The following MYOM3 variants were observed in gnomAD, a reference collection of about 807,000 sequenced individuals.
MYOM3 encodes myomesin-3.
MYOM3 carries 155 observed loss-of-function variants against 191.7 expected under a neutral mutation model. The observed-to-expected ratio is 0.81, with a 90% CI of 0.71 to 0.92. MYOM3 has a LOEUF of 0.92. Among genes scored for constraint, MYOM3 ranks in the 40% least tolerant of loss-of-function variants. The pLI is 0.00. For missense variants in MYOM3, 1,889 were observed against 1,890.6 expected, an observed-to-expected ratio of 1.00 and a Z score of 0.02; for synonymous variants, 757 against 762.9, an observed-to-expected ratio of 0.99 and a Z score of 0.13.
chr1:24,107,339 T>C, intron 3 of MYOM3, 107 bp from the exon 4 acceptor site: 1 of 1,022,864 alleles, frequency 9.8e-7, no homozygotes. Flanking sequence ...CTTTAAACTT[T>C]TGGAGGACAT....
rs149051731 is a variant in MYOM3, at chr1:24,102,590, G to C, written c.561-2815C>G. Among the ~76,000 whole-genome samples, 424 of 152,314 alleles carry C rather than the reference G, an allele frequency of 2.8e-3. 1 individual carries two copies. Among genetic ancestry groups the C allele is most frequent in the Non-Finnish European group, 4.7e-3 (318 of 68,026 alleles). On this transcript the variant is annotated intron_variant, in intron 5 of 36. Coordinates refer to ENST00000374434, the MANE Select transcript of MYOM3 (RefSeq NM_152372.4). The stretch of plus-strand genomic sequence containing the variant: ...AGAGCAGGCATAGTGGCTCATGCCT[G>C]TATTCCCAGAGCTTTGGGAGACTGA...
chr1:24,069,095 A>G (rs1178605243), intron 25 of MYOM3, among the ~76,000 whole-genome samples: 1 of 152,078 alleles, frequency 6.6e-6, no homozygotes, highest in Non-Finnish European at 1.5e-5. Flanking sequence ...AAAAAAAAAT[A>G]CTCGTGTACT....
At chr1:24,078,024 G>A (rs1643622432) in intron 20 of MYOM3, among the ~76,000 whole-genome samples, 1 of 152,132 alleles carries the variant, frequency 6.6e-6, no homozygotes, top group Non-Finnish European at 1.5e-5. Flanking sequence ...AACATTTTAA[G>A]TGATAAAGCA....
At chr1:24,082,435 T>C in intron 17 of MYOM3, 158 bp downstream of exon 17, 1 of 1,123,006 alleles carries the variant, frequency 8.9e-7, no homozygotes, top group Non-Finnish European at 1.2e-6. Context: ...GTTACTTCCT[T>C]CCCAAAGGAA....
Position 24,106,085 on chromosome 1 carries a change from C to T in MYOM3, c.403-8G>A, listed in dbSNP as rs770880556. 12 of 1,604,882 alleles carry T rather than the reference C, an allele frequency of 7.5e-6. No individual in the cohort carries two copies. The highest frequency in any genetic ancestry group is 2.7e-5 in the African/African-American group (2 of 74,778). ...CTGGACCTTCTCCTCTGTCTGGAGG[C>T]GGGAAGAGGTGTATGACGCTGTGAG... On this transcript the variant is annotated splice_region_variant and splice_polypyrimidine_tract_variant and intron_variant, in intron 4 of 36. Coordinates refer to ENST00000374434, the MANE Select transcript of MYOM3 (RefSeq NM_152372.4).
intron 14 of MYOM3, among the ~76,000 whole-genome samples, chr1:24,088,826 G>T (rs561035357): frequency 2.0e-5 from 3 of 152,366 alleles, no homozygotes; most frequent in East Asian, 3.9e-4. Context: ...ACAGATCCCA[G>T]GGGTTGCTGG....
At chr1:24,092,112 G>T in intron 11 of MYOM3, 62 bp downstream of exon 11, 1 of 1,372,594 alleles carries the variant, frequency 7.3e-7, no homozygotes, top group Non-Finnish European at 9.5e-7. Context: ...TCTTTGCTGT[G>T]GCTCCCACCA....
At chr1:24,079,268 C>T (rs1028156265) in intron 20 of MYOM3, among the ~76,000 whole-genome samples, 20 of 152,208 alleles carry the variant, frequency 1.3e-4, no homozygotes, top group African/African-American at 2.2e-4. Context: ...GGTACGATCA[C>T]GGCTCCCTGC....
At position 24,068,008 on chromosome 1, in the gene MYOM3, T is replaced by G. The variant is rs1369088310; in HGVS notation, c.3317A>C (p.Lys1106Thr). 7 of 1,614,230 alleles carry G rather than the reference T, an allele frequency of 4.3e-6. No individual in the cohort carries two copies. Among genetic ancestry groups the G allele is most frequent in the Non-Finnish European group, 5.9e-6 (7 of 1,180,018 alleles). ...CCAGTCCCTTCTCTTAGCATCTGCC[T>G]TCCTCAGAAGCTTGTCAAAATCTGT... ...VDDDFDKLLR[K>T]ADAKRRDWKR... Residue 1106 changes from lysine (K) to threonine (T), a missense_variant, in exon 27 of 37, where the codon AAG becomes ACG. Coordinates refer to ENST00000374434, the MANE Select transcript of MYOM3 (RefSeq NM_152372.4).
At chr1:24,061,829 C>T (rs896360058) in intron 33 of MYOM3, 117 bp downstream of exon 33, 79 of 1,118,406 alleles carry the variant, frequency 7.1e-5, no homozygotes, top group Non-Finnish European at 9.1e-5. Context: ...AGAGCTCAAG[C>T]GATCCTCCCA....
intron 1 of MYOM3, among the ~76,000 whole-genome samples, chr1:24,110,154 CT>C (rs1340902128): frequency 6.6e-6 from 1 of 152,230 alleles, no homozygotes; most frequent in Non-Finnish European, 1.5e-5. Context: ...CCTGGAATGG[CT>C]TTCACACCTC....
chr1:24,061,187 G>C (rs1323999981), intron 34 of MYOM3, 86 bp downstream of exon 34: 2 of 1,604,386 alleles, frequency 1.2e-6, no homozygotes, highest in African/African-American at 2.7e-5. Context: ...GCTGGCTGGG[G>C]CTCCCAGGAA....
chr1:24,082,643 AC>A lies in MYOM3; in HGVS notation c.2041del (p.Val681Ter), dbSNP rs770200634. The A allele has an allele frequency of 4.3e-6, 7 of 1,610,900 alleles. No homozygotes were observed. Among genetic ancestry groups the A allele is most frequent in the Admixed American group, 1.7e-5 (1 of 59,654 alleles). On this transcript the variant is annotated frameshift_variant, in exon 17 of 37. Transcript: ENST00000374434. LOFTEE classifies it high-confidence loss of function. ...CTCGGTGGCGGCTGAGCTCTCGCCT[AC>A]CCCAGCCTCGCTGACTGACCTGACA... is the stretch of plus-strand genomic sequence containing the variant. ...FCVRSVSEAGVGESSAATEPI... is the reference protein window; with the variant it reads ...FCVRSVSEAGXGESSAATEPI...
At chr1:24,095,550 G>A (rs1643874488) in intron 7 of MYOM3, 64 bp from the exon 8 acceptor site, 1 of 1,467,852 alleles carries the variant, frequency 6.8e-7, no homozygotes, top group Non-Finnish European at 9.4e-7. Flanking sequence ...TGCTATTTTG[G>A]GGACATGGGC....
At chr1:24,110,118 G>GC (rs1644026042) in intron 1 of MYOM3, among the ~76,000 whole-genome samples, 1 of 152,178 alleles carries the variant, frequency 6.6e-6, no homozygotes, top group Admixed American at 6.5e-5. Context: ...GTCTCTGAGG[G>GC]CCCCCCTGAT....
At position 24,062,120 on chromosome 1, in the gene MYOM3, G is replaced by C. The variant is rs1263998694; in HGVS notation, c.3771-11C>G. On this transcript the variant is annotated splice_polypyrimidine_tract_variant and intron_variant, in intron 32 of 36. Coordinates refer to ENST00000374434, the MANE Select transcript of MYOM3 (RefSeq NM_152372.4). ...TCCAGACGTTTGTCTCTGAATGTGA[G>C]GGTGGAGAAATGGTTAAGGCTGCCT... 2 of 1,613,530 alleles carry C rather than the reference G, an allele frequency of 1.2e-6. No individual in the cohort carries two copies. The highest frequency in any genetic ancestry group is 1.7e-6 in the Non-Finnish European group (2 of 1,179,802).
chr1:24,058,882 A>C, intron 36 of MYOM3, 42 bp downstream of exon 36: 1 of 1,479,198 alleles, frequency 6.8e-7, no homozygotes, highest in East Asian at 2.3e-5. Flanking sequence ...ACGAAGGAAC[A>C]CAGAGGGGGA....
chr1:24,076,183 G>A lies in MYOM3; in HGVS notation c.2677C>T (p.Pro893Ser), dbSNP rs1176138970. The change falls in exon 21 of 37, where the codon CCC (proline) becomes TCC (serine). Residue 893 changes from proline (P) to serine (S), a missense_variant. Coordinates refer to ENST00000374434, the MANE Select transcript of MYOM3 (RefSeq NM_152372.4). Reference sequence around the variant, plus strand: ...CCTGGCTTGTCCTCCAGGAGCACGGGATCAGTGGGCATGGACGGTTGCCCC... The same window carrying A: ...CCTGGCTTGTCCTCCAGGAGCACGGAATCAGTGGGCATGGACGGTTGCCCC... ...GLGQPSMPTD[P>S]VLLEDKPGAH... The A allele has an allele frequency of 6.2e-7, 1 of 1,614,124 alleles. No homozygotes were observed.
chr1:24,076,069 C>T, intron 21 of MYOM3, 90 bp downstream of exon 21: 2 of 992,142 alleles, frequency 2.0e-6, no homozygotes, highest in Non-Finnish European at 3.2e-6. Flanking sequence ...CCTAGCACAG[C>T]ATCAGGCTTC....
Sources: allele counts gnomAD v4.1 joint callset (sites outside exome capture counted in the v4.1 genomes callset), GRCh38; gene constraint gnomAD v4.1.1; transcripts MANE v1.5; gene names NCBI Gene and HGNC (gene_info 2026-07-23, HGNC 2026-07-21).